MECOM: variants seen among roughly 807,000 people sequenced by gnomAD.
MECOM encodes MDS1 and EVI1 complex locus.
Under a neutral mutation model 116.3 loss-of-function variants are expected in MECOM, and 13 were observed. That is an observed-to-expected ratio of 0.11 (90% confidence interval 0.07 to 0.18). MECOM has a LOEUF of 0.18. Ranked by LOEUF, MECOM falls within the 10% of genes least tolerant of loss-of-function variation. MECOM has a pLI of 1.00. For missense variants in MECOM, 1,299 were observed against 1,509.0 expected (o/e 0.86, Z 2.31); for synonymous variants, 528 against 535.2 (o/e 0.99, Z 0.19).
At position 169,574,322 on chromosome 3, in the gene MECOM, A is replaced by G. The variant is rs1362978742; in HGVS notation, c.37+89014T>C. 3.9e-5 allele frequency among the ~76,000 whole-genome samples: 6 copies of G among 152,152 alleles called. No individual in the cohort carries two copies. In the East Asian group the frequency reaches 1.2e-3, roughly 29 times the overall value. ...AGAGATTTATCTTATTTTCCAACTTATTTTCATATCTTATTTCCTTTTCTT... is the reference window on the plus strand; with the variant it reads ...AGAGATTTATCTTATTTTCCAACTTGTTTTCATATCTTATTTCCTTTTCTT... On this transcript the variant is annotated intron_variant, in intron 1 of 16. Coordinates refer to ENST00000651503, the MANE Select transcript of MECOM (RefSeq NM_004991.4).
At chr3:169,373,443 C>G (rs1390694440) in intron 2 of MECOM, among the ~76,000 whole-genome samples, 1 of 151,768 alleles carries the variant, frequency 6.6e-6, no homozygotes, top group Non-Finnish European at 1.5e-5. Flanking sequence ...AAAGATGGCC[C>G]CTATTTATAA....
At chr3:169,095,644 T>C (rs1466271173) in intron 12 of MECOM, among the ~76,000 whole-genome samples, 1 of 152,186 alleles carries the variant, frequency 6.6e-6, no homozygotes, top group East Asian at 1.9e-4. Context: ...AATATCACTT[T>C]TTAATTCAAA....
At chr3:169,636,468 C>T (rs898096705) in intron 1 of MECOM, among the ~76,000 whole-genome samples, 1 of 152,156 alleles carries the variant, frequency 6.6e-6, no homozygotes, top group Non-Finnish European at 1.5e-5. Context: ...GGAAGATTCA[C>T]AATTCAGTGA....
chr3:169,164,609 T>C (rs1413518678), intron 2 of MECOM, among the ~76,000 whole-genome samples: 1 of 152,168 alleles, frequency 6.6e-6, no homozygotes, highest in Non-Finnish European at 1.5e-5. Context: ...TCTTACATTT[T>C]TCACTTAGAT....
chr3:169,209,930 A>T (rs1750493437), intron 2 of MECOM, among the ~76,000 whole-genome samples: 1 of 152,202 alleles, frequency 6.6e-6, no homozygotes, highest in Admixed American at 6.5e-5. Context: ...ACTATTTACA[A>T]TAGCAAAGTC....
chr3:169,239,968 T>C (rs1036526836), intron 2 of MECOM, among the ~76,000 whole-genome samples: 16 of 152,348 alleles, frequency 1.1e-4, no homozygotes, highest in South Asian at 2.1e-4. Flanking sequence ...TTTCCTGTCT[T>C]TAATTCTAAA....
intron 2 of MECOM, among the ~76,000 whole-genome samples, chr3:169,156,299 T>C (rs978411112): frequency 1.3e-5 from 2 of 152,188 alleles, no homozygotes; most frequent in African/African-American, 4.8e-5. Flanking sequence ...TCATCGTAGG[T>C]AATTAAACTT....
chr3:169,107,463 A>C (rs1215126005), intron 10 of MECOM, among the ~76,000 whole-genome samples: 2 of 152,128 alleles, frequency 1.3e-5, no homozygotes, highest in African/African-American at 4.8e-5. Flanking sequence ...AATAGCCAGA[A>C]CCAATTTCTG....
At chr3:169,312,053 A>C (rs1718873932) in intron 2 of MECOM, among the ~76,000 whole-genome samples, 1 of 152,214 alleles carries the variant, frequency 6.6e-6, no homozygotes, top group African/African-American at 2.4e-5. Context: ...CTTTGTGAGC[A>C]CGGTAGGAAC....
At chr3:169,303,636 G>T (rs1717169795) in intron 2 of MECOM, among the ~76,000 whole-genome samples, 1 of 152,128 alleles carries the variant, frequency 6.6e-6, no homozygotes, top group South Asian at 2.1e-4. Context: ...ACCAGAAGCA[G>T]CCCCAAAGTT....
At chr3:169,157,565 T>C (rs1742175416) in intron 2 of MECOM, among the ~76,000 whole-genome samples, 1 of 152,168 alleles carries the variant, frequency 6.6e-6, no homozygotes, top group Admixed American at 6.5e-5. Flanking sequence ...CAATACAATC[T>C]CTATATCATT....
At chr3:169,365,083 C>T (rs1728931075) in intron 2 of MECOM, among the ~76,000 whole-genome samples, 1 of 151,964 alleles carries the variant, frequency 6.6e-6, no homozygotes, top group Non-Finnish European at 1.5e-5. Flanking sequence ...TTGTCTCTTA[C>T]AGGAGATAAT....
intron 1 of MECOM, among the ~76,000 whole-genome samples, chr3:169,492,281 G>T (rs933594296): frequency 7.9e-5 from 12 of 152,180 alleles, no homozygotes; most frequent in African/African-American, 2.9e-4. Flanking sequence ...CGACCTAGTT[G>T]ACCAACTCAA....
intron 6 of MECOM, 108 bp from the exon 7 acceptor site, chr3:169,121,317 T>G: frequency 8.1e-7 from 1 of 1,233,678 alleles, no homozygotes; most frequent in South Asian, 1.7e-5. Context: ...TTGTTTTTCT[T>G]TTCCCCAAAG....
At chr3:169,297,582 A>G (rs1247671567) in intron 2 of MECOM, among the ~76,000 whole-genome samples, 1 of 152,104 alleles carries the variant, frequency 6.6e-6, no homozygotes, top group Non-Finnish European at 1.5e-5. Flanking sequence ...AACCTACCAC[A>G]CAGTTCAGCT....
At chr3:169,483,386 C>A (rs1751669956) in intron 1 of MECOM, among the ~76,000 whole-genome samples, 1 of 148,204 alleles carries the variant, frequency 6.7e-6, no homozygotes, top group Non-Finnish European at 1.5e-5. Context: ...CAGTCACTAC[C>A]TTCAGCCCAC....
intron 1 of MECOM, among the ~76,000 whole-genome samples, chr3:169,452,275 G>A (rs978973058): frequency 1.1e-4 from 17 of 152,004 alleles, no homozygotes; most frequent in South Asian, 6.2e-4. Flanking sequence ...GGAAACACAC[G>A]CCTTTCCCTT....
chr3:169,140,683 G>GA (rs34992808), intron 3 of MECOM, among the ~76,000 whole-genome samples: 40 of 149,180 alleles, frequency 2.7e-4, no homozygotes, highest in African/African-American at 7.6e-4. Flanking sequence ...CATTCTGTCT[G>GA]AAAAAAAAAA....
chr3:169,419,426 C>T (rs1436801880), intron 1 of MECOM, among the ~76,000 whole-genome samples: 2 of 152,062 alleles, frequency 1.3e-5, no homozygotes, highest in East Asian at 3.9e-4. Flanking sequence ...AATAAGAGCC[C>T]ATATAGCCAA....
Sources: gnomAD v4.1 joint callset for allele counts (sites outside exome capture counted in the v4.1 genomes callset) on GRCh38, gnomAD v4.1.1 for gene constraint, MANE v1.5 for transcripts, NCBI Gene and HGNC (gene_info 2026-07-23, HGNC 2026-07-21) for gene names.